The following KCNJ3 variants were observed in gnomAD, a reference collection of about 807,000 sequenced individuals.
KCNJ3 encodes the protein G protein-activated inward rectifier potassium channel 1.
Under a neutral mutation model 39.2 loss-of-function variants are expected in KCNJ3, and 4 were observed. The observed-to-expected ratio is 0.10, with a 90% confidence interval of 0.05 to 0.23. KCNJ3 has a LOEUF of 0.23. KCNJ3 is among the 10% of genes least tolerant of loss of function. The pLI, the probability that KCNJ3 is intolerant of heterozygous loss-of-function variation, is 1.00. For synonymous variants in KCNJ3, 230 were observed against 237.4 expected (o/e 0.97, Z 0.29); for missense variants, 276 against 634.9 (o/e 0.43, Z 6.08).
intron 2 of KCNJ3, among the ~76,000 whole-genome samples, chr2:154,712,965 G>T (rs796807701): frequency 4.6e-5 from 7 of 151,956 alleles, no homozygotes; most frequent in African/African-American, 1.7e-4. Context: ...AACAGCTGGT[G>T]CAAGGGCCCT....
chr2:154,792,333 A>G (rs541509706), intron 2 of KCNJ3, among the ~76,000 whole-genome samples: 2 of 152,154 alleles, frequency 1.3e-5, no homozygotes, highest in South Asian at 4.1e-4. Context: ...CTCTCTGATG[A>G]CACACTCCAC....
chr2:154,823,318 A>C (rs1183098180), intron 2 of KCNJ3, among the ~76,000 whole-genome samples: 2 of 152,104 alleles, frequency 1.3e-5, no homozygotes, highest in Non-Finnish European at 1.5e-5. Flanking sequence ...AGAAGGGCAG[A>C]AGGAGATGGA....
intron 2 of KCNJ3, among the ~76,000 whole-genome samples, chr2:154,838,857 T>G (rs1558887482): frequency 2.0e-5 from 3 of 152,230 alleles, no homozygotes; most frequent in African/African-American, 4.8e-5. Context: ...AAAGATTTTC[T>G]TCTCTATGCT....
At chr2:154,772,022 A>G (rs1686251325) in intron 2 of KCNJ3, among the ~76,000 whole-genome samples, 1 of 152,210 alleles carries the variant, frequency 6.6e-6, no homozygotes, top group Non-Finnish European at 1.5e-5. Context: ...GGTTGAGGAC[A>G]TTTAACTTCA....
intron 2 of KCNJ3, among the ~76,000 whole-genome samples, chr2:154,846,230 G>A (rs759989003): frequency 1.6e-4 from 23 of 141,238 alleles, no homozygotes; most frequent in Admixed American, 5.0e-4. Context: ...GATAAATATA[G>A]ACAACATAGT....
chr2:154,835,495 GAATATATATCAA>G (rs1413024917), intron 2 of KCNJ3, among the ~76,000 whole-genome samples: 1 of 109,742 alleles, frequency 9.1e-6, no homozygotes, highest in Middle Eastern at 5.5e-3. Context: ...TCATGAATAT[GAATATATATCAA>G]AATATATATA....
At chr2:154,710,304 G>A (rs1257783122) in intron 2 of KCNJ3, among the ~76,000 whole-genome samples, 2 of 152,118 alleles carry the variant, frequency 1.3e-5, no homozygotes, top group Non-Finnish European at 2.9e-5. Context: ...TGCTGTGTGT[G>A]CTAAAGCAGC....
At chr2:154,768,284 T>A (rs945826270) in intron 2 of KCNJ3, among the ~76,000 whole-genome samples, 1 of 152,214 alleles carries the variant, frequency 6.6e-6, no homozygotes, top group Non-Finnish European at 1.5e-5. Context: ...TGAATTGTAT[T>A]GCCTAGGTTT....
intron 2 of KCNJ3, among the ~76,000 whole-genome samples, chr2:154,720,800 T>A (rs1385019046): frequency 6.6e-6 from 1 of 152,146 alleles, no homozygotes; most frequent in South Asian, 2.1e-4. Context: ...CTTTCAGCAC[T>A]ATTTTAGTAC....
At chr2:154,805,892 C>A (rs1686902583) in intron 2 of KCNJ3, among the ~76,000 whole-genome samples, 2 of 151,850 alleles carry the variant, frequency 1.3e-5, no homozygotes, top group East Asian at 1.9e-4. Flanking sequence ...AAACAAAATG[C>A]AAAATATTCT....
intron 2 of KCNJ3, among the ~76,000 whole-genome samples, chr2:154,752,964 CTG>C (rs1181508997): frequency 2.6e-5 from 4 of 152,090 alleles, no homozygotes; most frequent in African/African-American, 9.6e-5. Flanking sequence ...GTATGTGACA[CTG>C]TTAATAAAAA....
At chr2:154,821,588 G>C (rs967262622) in intron 2 of KCNJ3, among the ~76,000 whole-genome samples, 5 of 147,748 alleles carry the variant, frequency 3.4e-5, no homozygotes, top group African/African-American at 1.2e-4. Flanking sequence ...TGACTGAGCA[G>C]ATATGCTAGC....
intron 2 of KCNJ3, among the ~76,000 whole-genome samples, chr2:154,734,869 G>T (rs2105169919): frequency 6.6e-6 from 1 of 152,322 alleles, no homozygotes; most frequent in Middle Eastern, 3.4e-3. Context: ...TTACCTGAAC[G>T]GCTGAGATGT....
At chr2:154,724,917 G>GTAGATATATATATATATATATATA (rs1685325425) in intron 2 of KCNJ3, among the ~76,000 whole-genome samples, 1 of 116,316 alleles carries the variant, frequency 8.6e-6, no homozygotes, top group African/African-American at 3.5e-5. Flanking sequence ...TACATATGAG[G>GTAGATATATATATATATATATATA]TATATATATA....
intron 1 of KCNJ3, among the ~76,000 whole-genome samples, chr2:154,702,988 T>A (rs901712416): frequency 1.1e-4 from 16 of 152,106 alleles, no homozygotes; most frequent in African/African-American, 3.8e-4. Flanking sequence ...ATTAGGGATT[T>A]GAGACCAGTA....
intron 2 of KCNJ3, among the ~76,000 whole-genome samples, chr2:154,750,754 A>T (rs1465429238): frequency 6.6e-6 from 1 of 151,968 alleles, no homozygotes; most frequent in Non-Finnish European, 1.5e-5. Flanking sequence ...TTTTGTTTTC[A>T]TTGCAACTCT....
At chr2:154,743,696 T>A (rs979132687) in intron 2 of KCNJ3, among the ~76,000 whole-genome samples, 20 of 151,798 alleles carry the variant, frequency 1.3e-4, no homozygotes, top group Non-Finnish European at 2.7e-4. Context: ...AACTTGCTGA[T>A]CTTACATATT....
intron 2 of KCNJ3, among the ~76,000 whole-genome samples, chr2:154,764,513 G>T (rs1021652430): frequency 3.3e-5 from 5 of 152,062 alleles, no homozygotes; most frequent in Admixed American, 3.3e-4. Flanking sequence ...TCTACTCTAA[G>T]GAATATTCAG....
At chr2:154,806,944 C>T (rs1241408120) in intron 2 of KCNJ3, among the ~76,000 whole-genome samples, 2 of 152,168 alleles carry the variant, frequency 1.3e-5, no homozygotes, top group East Asian at 1.9e-4. Context: ...GTCTCAAAGA[C>T]GGATGCATAG....
Sources: allele counts gnomAD v4.1 joint callset (sites outside exome capture counted in the v4.1 genomes callset), GRCh38; gene constraint gnomAD v4.1.1; transcripts MANE v1.5; gene names NCBI Gene and HGNC (gene_info 2026-07-23, HGNC 2026-07-21).